The following MPPED1 variants were observed in gnomAD, a reference collection of about 807,000 sequenced individuals.
MPPED1 encodes metallophosphoesterase domain containing 1.
Under a neutral mutation model 36.2 loss-of-function variants are expected in MPPED1, and 16 were observed. That is an observed-to-expected ratio of 0.44 (90% CI 0.30 to 0.67). The LOEUF is 0.67. Among genes scored for constraint, MPPED1 ranks in the 30% least tolerant of loss-of-function variants. The pLI is 0.10. For synonymous variants in MPPED1, 199 were observed against 191.3 expected (o/e 1.04, Z -0.33); for missense variants, 307 against 453.4 (o/e 0.68, Z 2.93).
chr22:43,455,857 C>T (rs1930734753), intron 3 of MPPED1, among the ~76,000 whole-genome samples: 1 of 152,190 alleles, frequency 6.6e-6, no homozygotes, highest in African/African-American at 2.4e-5. Context: ...CCTGAGGCTG[C>T]AGTAACAAGT....
At chr22:43,428,599 G>A (rs1320671207) in intron 2 of MPPED1, among the ~76,000 whole-genome samples, 1 of 152,156 alleles carries the variant, frequency 6.6e-6, no homozygotes, top group African/African-American at 2.4e-5. Flanking sequence ...TTGTCTCCGG[G>A]GTGAGGGAGC....
At chr22:43,433,694 A>C (rs1929849447) in intron 2 of MPPED1, among the ~76,000 whole-genome samples, 1 of 152,122 alleles carries the variant, frequency 6.6e-6, no homozygotes, top group Non-Finnish European at 1.5e-5. Flanking sequence ...TGCGCCCTGC[A>C]CATTAGCATG....
In MPPED1 at chr22:43,435,143, G is replaced by A. The variant is rs1929910337; in HGVS notation, c.334G>A (p.Val112Met). The stretch of plus-strand genomic sequence containing the variant: ...CCCCATCCAGATGCCGTACGGCGAC[G>A]TGCTGATCCACGCTGGGGACTTCAC... ...TDPIQMPYGD[V>M]LIHAGDFTEL... The change falls in exon 3 of 7, where the codon GTG becomes ATG. Residue 112 changes from valine (V) to methionine (M), a missense_variant. This residue lies in a region of MPPED1 where 169 missense variants were observed against 212.3 expected (regional missense o/e 0.80). Transcript: ENST00000443721. 4 of 1,613,532 alleles carry A rather than the reference G, an allele frequency of 2.5e-6. No homozygotes were observed. The highest frequency in any genetic ancestry group is 2.7e-5 in the African/African-American group (2 of 74,926).
intron 3 of MPPED1, among the ~76,000 whole-genome samples, chr22:43,438,848 G>A (rs1930054008): frequency 6.6e-6 from 1 of 152,126 alleles, no homozygotes; most frequent in Non-Finnish European, 1.5e-5. Context: ...CCAGCCGACA[G>A]GGCGGGAGAC....
chr22:43,428,565 T>C (rs135080), intron 2 of MPPED1, among the ~76,000 whole-genome samples: 5,765 of 152,240 alleles, frequency 0.038, 140 homozygotes, highest in Middle Eastern at 0.068. Context: ...CTTCCCGACA[T>C]GTGATTTGTT....
At chr22:43,416,796 G>A (rs542354935) in intron 1 of MPPED1, 2 of 157,964 alleles carry the variant, frequency 1.3e-5, no homozygotes, top group Admixed American at 1.3e-4. Flanking sequence ...GATATAGAAA[G>A]CACCAAGAAT....
At chr22:43,496,123 G>A (rs1209857457) in intron 4 of MPPED1, among the ~76,000 whole-genome samples, 40 of 70,224 alleles carry the variant, frequency 5.7e-4, no homozygotes, top group African/African-American at 2.4e-3. Flanking sequence ...TGGTGGAGGT[G>A]GTGGTGGTGG....
intron 3 of MPPED1, among the ~76,000 whole-genome samples, chr22:43,467,543 G>C (rs1434125684): frequency 6.6e-6 from 1 of 152,210 alleles, no homozygotes; most frequent in Admixed American, 6.5e-5. Context: ...CCCCACGGTG[G>C]CTCACAGCTG....
chr22:43,480,441 C>T (rs560806456), intron 4 of MPPED1, among the ~76,000 whole-genome samples: 1 of 152,304 alleles, frequency 6.6e-6, no homozygotes, highest in Admixed American at 6.5e-5. Flanking sequence ...CATTTGCATT[C>T]CCCTAATGAC....
chr22:43,466,692 C>T (rs935467051), intron 3 of MPPED1, among the ~76,000 whole-genome samples: 3 of 152,164 alleles, frequency 2.0e-5, no homozygotes, highest in Admixed American at 1.3e-4. Context: ...GGCCACTATC[C>T]ACCTGCCCTG....
In MPPED1 at chr22:43,447,859, TTATATATATA is replaced by T. The variant is rs1238294657; in HGVS notation, c.406+12660_406+12669del. Among the ~76,000 whole-genome samples the T allele has an allele frequency of 7.0e-4, 44 of 62,526 alleles. 2 individuals carry two copies. The highest frequency in any genetic ancestry group is 2.1e-3 in the African/African-American group (40 of 18,762). 41.0% of individuals were successfully genotyped at this position (62,526 alleles called of 152,430 possible). On this transcript the variant is annotated intron_variant, in intron 3 of 6. Coordinates refer to ENST00000443721, the MANE Select transcript of MPPED1 (RefSeq NM_001044370.2). ...TAAAAATATTTTATATATGTAAATA[TTATATATATA>T]TATATATATATATATTTTTTTTTTT... is the stretch of plus-strand genomic sequence containing the variant.
intron 2 of MPPED1, among the ~76,000 whole-genome samples, chr22:43,432,488 GAAAGGGAGGAGAGAGAGGGAA>G (rs1929744097): frequency 7.6e-6 from 1 of 131,094 alleles, no homozygotes. Flanking sequence ...AGGGAGGAGA[GAAAGGGAGGAGAGAGAGGGAA>G]AGAGAAAGGG....
intron 2 of MPPED1, among the ~76,000 whole-genome samples, chr22:43,431,026 T>G (rs1307762527): frequency 1.5e-3 from 19 of 12,548 alleles, no homozygotes; most frequent in South Asian, 5.4e-3. Flanking sequence ...TGTTAATTTT[T>G]TTTTTTTTTT....
intron 4 of MPPED1, among the ~76,000 whole-genome samples, chr22:43,488,118 G>C (rs1931969705): frequency 6.6e-6 from 1 of 152,116 alleles, no homozygotes; most frequent in African/African-American, 2.4e-5. Flanking sequence ...GAGTCTGGCT[G>C]TTCCTGGAGA....
intron 3 of MPPED1, among the ~76,000 whole-genome samples, chr22:43,455,436 G>C (rs976244435): frequency 6.6e-6 from 1 of 152,064 alleles, no homozygotes; most frequent in Non-Finnish European, 1.5e-5. Flanking sequence ...AGGGACACCA[G>C]TCATTGGATT....
intron 2 of MPPED1, among the ~76,000 whole-genome samples, chr22:43,425,637 C>T (rs1329246021): frequency 6.6e-6 from 1 of 152,240 alleles, no homozygotes; most frequent in Non-Finnish European, 1.5e-5. Context: ...TTACGCTCCT[C>T]ATTGTACACA....
intron 4 of MPPED1, among the ~76,000 whole-genome samples, chr22:43,494,800 G>A (rs1334607181): frequency 6.6e-6 from 1 of 151,852 alleles, no homozygotes; most frequent in East Asian, 1.9e-4. Context: ...CAACAGAAGT[G>A]TGTTTCTCAC....
intron 4 of MPPED1, among the ~76,000 whole-genome samples, chr22:43,495,510 T>A (rs1457469251): frequency 3.1e-5 from 3 of 96,068 alleles, no homozygotes; most frequent in Admixed American, 1.1e-4. Flanking sequence ...GTGGAGGTGG[T>A]GGTGGTGGTG....
At chr22:43,432,545 A>G (rs13057386) in intron 2 of MPPED1, among the ~76,000 whole-genome samples, 44,780 of 57,332 alleles carry the variant, frequency 0.78, 17,055 homozygotes, top group African/African-American at 0.85. Flanking sequence ...GGAGGAGAGA[A>G]AGAAAGGGAG....
Sources: allele counts gnomAD v4.1 joint callset (sites outside exome capture counted in the v4.1 genomes callset), GRCh38; gene constraint gnomAD v4.1.1; regional missense constraint gnomAD v4.1.1; transcripts MANE v1.5; gene names NCBI Gene and HGNC (gene_info 2026-07-23, HGNC 2026-07-21).